The following CBLB variants were observed in gnomAD, a reference collection of about 807,000 sequenced individuals.
CBLB encodes the protein Cbl proto-oncogene B.
Under a neutral mutation model 104.9 loss-of-function variants are expected in CBLB, and 31 were observed. The observed-to-expected ratio is 0.30, with a 90% confidence interval of 0.22 to 0.40. CBLB has a LOEUF of 0.40. Among genes scored for constraint, CBLB ranks in the 10% least tolerant of loss-of-function variants. The pLI is 1.00. For missense variants in CBLB, 1,062 were observed against 1,214.6 expected, an observed-to-expected ratio of 0.87 and a Z score of 1.87; for synonymous variants, 440 against 422.6, an observed-to-expected ratio of 1.04 and a Z score of -0.51.
intron 17 of CBLB, chr3:105,672,411 A>G (rs140552744): frequency 9.0e-5 from 16 of 177,132 alleles, no homozygotes; most frequent in African/African-American, 3.8e-4. Flanking sequence ...TTTGTCAGCC[A>G]TAGGGTAAAC....
chr3:105,699,469 G>A (rs1482689014), intron 12 of CBLB, among the ~76,000 whole-genome samples: 1 of 152,070 alleles, frequency 6.6e-6, no homozygotes, highest in Non-Finnish European at 1.5e-5. Flanking sequence ...AATAAGTAAG[G>A]TTGGGGACAA....
chr3:105,767,042 T>G (rs768351173), intron 4 of CBLB, among the ~76,000 whole-genome samples: 14 of 152,180 alleles, frequency 9.2e-5, no homozygotes, highest in Non-Finnish European at 1.9e-4. Flanking sequence ...CTCCAATAGA[T>G]ATGTAAGTTT....
chr3:105,751,381 A>G, intron 5 of CBLB, 81 bp downstream of exon 5: 1 of 947,772 alleles, frequency 1.1e-6, no homozygotes, highest in Non-Finnish European at 1.7e-6. Context: ...TGTGAGAGAG[A>G]GACAGAGAGA....
At chr3:105,854,196 C>A (rs536506144) in intron 2 of CBLB, among the ~76,000 whole-genome samples, 13 of 152,268 alleles carry the variant, frequency 8.5e-5, no homozygotes, top group African/African-American at 2.9e-4. Flanking sequence ...AGGTCAGAAC[C>A]AGTCTTTTCC....
chr3:105,752,768 A>C (rs982973105), intron 4 of CBLB, among the ~76,000 whole-genome samples: 5 of 152,118 alleles, frequency 3.3e-5, no homozygotes, highest in Non-Finnish European at 7.3e-5. Flanking sequence ...CATGCATCCA[A>C]ATTATCTGAA....
intron 3 of CBLB, among the ~76,000 whole-genome samples, chr3:105,803,656 G>T (rs964724101): frequency 1.3e-5 from 2 of 152,050 alleles, no homozygotes; most frequent in African/African-American, 4.8e-5. Context: ...TCTAACTGGG[G>T]GTGGGAGTAA....
chr3:105,675,884 C>CAA (rs71111383), intron 17 of CBLB, among the ~76,000 whole-genome samples: 43,615 of 81,766 alleles, frequency 0.53, 11,564 homozygotes, highest in Middle Eastern at 0.64. Context: ...GACCCTGTCT[C>CAA]AAAAAAAAAA....
At chr3:105,819,308 A>G (rs2085489034) in intron 3 of CBLB, among the ~76,000 whole-genome samples, 1 of 152,084 alleles carries the variant, frequency 6.6e-6, no homozygotes, top group South Asian at 2.1e-4. Context: ...CCAACACTGT[A>G]AGACCCTGTC....
Position 105,797,299 on chromosome 3 carries a change from G to A in CBLB, c.420-20757C>T, listed in dbSNP as rs532165367. The stretch of plus-strand genomic sequence containing the variant: ...TCTTTGCAGCAACATGGATGGAGCT[G>A]GAGGCCATTATCTGAAGCAAACTAA... On this transcript the variant is annotated intron_variant, in intron 3 of 18. Transcript: ENST00000394030. Among the ~76,000 whole-genome samples, 3 of 152,266 alleles carry A rather than the reference G, an allele frequency of 2.0e-5. No homozygotes were observed. In the South Asian group the frequency reaches 6.2e-4, roughly 32 times the overall value.
upstream of CBLB, chr3:105,869,045 C>G (rs1170376270): frequency 7.4e-6 from 5 of 676,166 alleles, no homozygotes; most frequent in Non-Finnish European, 9.9e-6. Context: ...AGGACCCAGG[C>G]TCGGGGCGGG....
chr3:105,661,658 A>T (rs968999746), intron 18 of CBLB, among the ~76,000 whole-genome samples: 1 of 152,212 alleles, frequency 6.6e-6, no homozygotes, highest in Admixed American at 6.5e-5. Context: ...AGCTGTGTAT[A>T]CAAGTGGGAT....
chr3:105,869,307 C>G, upstream of CBLB: 1 of 1,120,484 alleles, frequency 8.9e-7, no homozygotes. Flanking sequence ...AGGAAATGGA[C>G]GAAGGGATGC....
chr3:105,736,360 C>T (rs1430023579), intron 8 of CBLB, among the ~76,000 whole-genome samples: 1 of 152,020 alleles, frequency 6.6e-6, no homozygotes, highest in Non-Finnish European at 1.5e-5. Context: ...TATTTCCTTA[C>T]AGAAGTTGAA....
intron 4 of CBLB, among the ~76,000 whole-genome samples, chr3:105,765,791 G>A (rs1007881023): frequency 6.6e-6 from 1 of 152,146 alleles, no homozygotes; most frequent in South Asian, 2.1e-4. Context: ...TCACCCAAAA[G>A]ATTTGATGGA....
chr3:105,763,605 G>T (rs1158598188), intron 4 of CBLB, among the ~76,000 whole-genome samples: 6 of 152,292 alleles, frequency 3.9e-5, no homozygotes, highest in Admixed American at 6.5e-5. Flanking sequence ...AACTGTGAGT[G>T]CATTAAACTT....
intron 3 of CBLB, among the ~76,000 whole-genome samples, chr3:105,823,924 C>G (rs2086225005): frequency 6.6e-6 from 1 of 152,160 alleles, no homozygotes; most frequent in Non-Finnish European, 1.5e-5. Flanking sequence ...CCCTACCAAG[C>G]TGACTCTGAA....
Position 105,780,660 on chromosome 3 carries a change from G to GTTTTTTTTTTTTTTTTTTTTTT in CBLB, c.420-4119_420-4118insAAAAAAAAAAAAAAAAAAAAAA, listed in dbSNP as rs58640968. 1.5e-4 allele frequency among the ~76,000 whole-genome samples: 14 copies of GTTTTTTTTTTTTTTTTTTTTTT among 94,036 alleles called. 1 individual carries two copies. The highest frequency in any genetic ancestry group is 3.5e-4 in the East Asian group (1 of 2,896). The allele number at this position is 94,036 out of a possible 152,430, so 61.7% of individuals were successfully genotyped here. ...TTTTACAATAAAAGTTTTGTTTTTT[G>GTTTTTTTTTTTTTTTTTTTTTT]TTTTTTTTTTTTTTTTTTTTGAGAT... On this transcript the variant is annotated intron_variant, in intron 3 of 18. Coordinates refer to ENST00000394030, the MANE Select transcript of CBLB (RefSeq NM_170662.5).
intron 12 of CBLB, among the ~76,000 whole-genome samples, chr3:105,695,964 ACTTTC>A: frequency 6.6e-6 from 1 of 151,798 alleles, no homozygotes. Context: ...TAGTGAAATC[ACTTTC>A]CTTAGGTTTA....
chr3:105,809,340 A>C (rs2083948681), intron 3 of CBLB, among the ~76,000 whole-genome samples: 1 of 152,190 alleles, frequency 6.6e-6, no homozygotes, highest in Non-Finnish European at 1.5e-5. Context: ...AATGACAAGA[A>C]CGGAATTCCA....
Sources: allele counts gnomAD v4.1 joint callset (sites outside exome capture counted in the v4.1 genomes callset), GRCh38; gene constraint gnomAD v4.1.1; transcripts MANE v1.5; gene names NCBI Gene and HGNC (gene_info 2026-07-23, HGNC 2026-07-21).